The following DISP3 variants were observed in gnomAD, a reference collection of about 807,000 sequenced individuals.
The protein encoded by DISP3 is protein dispatched homolog 3.
Under a neutral mutation model 135.3 loss-of-function variants are expected in DISP3, and 101 were observed. That is an observed-to-expected ratio of 0.75 (90% CI 0.64 to 0.88). DISP3 has a LOEUF of 0.88. Among genes scored for constraint, DISP3 ranks in the 40% least tolerant of loss-of-function variants. The pLI, the probability that DISP3 is intolerant of heterozygous loss-of-function variation, is 0.00. For synonymous variants in DISP3, 856 were observed against 817.0 expected (o/e 1.05, Z -0.81); for missense variants, 1,713 against 1,878.6 (o/e 0.91, Z 1.63).
Position 11,516,442 on chromosome 1 carries a change from C to A in DISP3, c.1749+281C>A, listed in dbSNP as rs1038001595. On this transcript the variant is annotated intron_variant, in intron 6 of 20. Transcript: ENST00000294484. The surrounding 1 kb of genome is among the most constrained non-coding windows in gnomAD (Gnocchi z 5.1). ...TTTGGCAGTTTCCAAAGCTCTTTCTCGTTTAATCTTCATTACCACGGTAAT... is the reference window on the plus strand; with the variant it reads ...TTTGGCAGTTTCCAAAGCTCTTTCTAGTTTAATCTTCATTACCACGGTAAT... 6.6e-6 allele frequency among the ~76,000 whole-genome samples: 1 copy of A among 152,194 alleles called. No homozygotes were observed. The highest frequency in any genetic ancestry group is 2.4e-5 in the African/African-American group (1 of 41,432).
chr1:11,510,025 G>A (rs1641815456), intron 3 of DISP3, among the ~76,000 whole-genome samples: 1 of 152,128 alleles, frequency 6.6e-6, no homozygotes, highest in Non-Finnish European at 1.5e-5. Flanking sequence ...CGTGAACCCG[G>A]GAGGTGGAGC....
intron 1 of DISP3, among the ~76,000 whole-genome samples, chr1:11,484,450 C>A (rs1640982610): frequency 6.6e-6 from 1 of 152,176 alleles, no homozygotes; most frequent in Non-Finnish European, 1.5e-5. Flanking sequence ...GGCATGTGTA[C>A]CAGCAGAGGC....
intron 1 of DISP3, among the ~76,000 whole-genome samples, chr1:11,497,424 C>T (rs1470378290): frequency 6.6e-6 from 1 of 150,808 alleles, no homozygotes; most frequent in Non-Finnish European, 1.5e-5. Flanking sequence ...CTTGCTCTGT[C>T]GTCGCCCAGG....
intron 1 of DISP3, among the ~76,000 whole-genome samples, chr1:11,493,160 G>A (rs1641234261): frequency 6.6e-6 from 1 of 152,194 alleles, no homozygotes; most frequent in Non-Finnish European, 1.5e-5. Context: ...CAGGAGAGCT[G>A]ATGGTATAGT....
At chr1:11,492,288 TG>T (rs1641209888) in intron 1 of DISP3, among the ~76,000 whole-genome samples, 1 of 152,132 alleles carries the variant, frequency 6.6e-6, no homozygotes. Flanking sequence ...ACAGGAAAAG[TG>T]ATAGTGGCTG....
At chr1:11,502,161 G>GCCAGGCCCAGGC (rs574431695) in intron 2 of DISP3, 73 bp downstream of exon 2, 19 of 1,495,320 alleles carry the variant, frequency 1.3e-5, no homozygotes, top group South Asian at 1.2e-4. Context: ...TTTGGCCCAG[G>GCCAGGCCCAGGC]CCAGGCCCAG....
At chr1:11,497,915 A>G (rs1300404149) in intron 1 of DISP3, among the ~76,000 whole-genome samples, 1 of 152,168 alleles carries the variant, frequency 6.6e-6, no homozygotes, top group Non-Finnish European at 1.5e-5. Context: ...GTCTCAACAA[A>G]TATCTGACTG....
At chr1:11,532,319 G>A (rs901625288) in intron 17 of DISP3, among the ~76,000 whole-genome samples, 4 of 152,206 alleles carry the variant, frequency 2.6e-5, no homozygotes, top group Admixed American at 1.3e-4. Context: ...GGGCTCAATC[G>A]TTGCTGGGAT....
rs916356077 is a variant in DISP3 at position 11,501,741 on chromosome 1, G to A, written c.749G>A (p.Arg250His). 1.3e-6 allele frequency: 2 copies of A among 1,591,488 alleles called. No homozygotes were observed. Among genetic ancestry groups the A allele is most frequent in the Non-Finnish European group, 1.7e-6 (2 of 1,167,420 alleles). The change falls in exon 2 of 21, where the codon CGC (arginine) becomes CAC (histidine). Residue 250 changes from arginine (R) to histidine (H), a missense_variant. Coordinates refer to ENST00000294484, the MANE Select transcript of DISP3 (RefSeq NM_020780.2). The surrounding 1 kb of genome is among the most constrained non-coding windows in gnomAD (Gnocchi z 4.9). ...AAVAANQSRA[R>H]RGASRWDYSR... is the part of the protein sequence containing the mutation. ...GTCGCGGCCAATCAGAGCCGTGCCC[G>A]CCGAGGCGCCTCGCGCTGGGACTAC...
At chr1:11,528,834 C>G (rs1185964298) in intron 13 of DISP3, among the ~76,000 whole-genome samples, 1 of 152,212 alleles carries the variant, frequency 6.6e-6, no homozygotes, top group African/African-American at 2.4e-5. Context: ...TTTGGAGTGT[C>G]AAACACCCAC....
chr1:11,500,910 C>G, intron 1 of DISP3, 80 bp from the exon 2 acceptor site: 1 of 1,502,440 alleles, frequency 6.7e-7, no homozygotes, highest in Non-Finnish European at 9.1e-7. Context: ...GGGTTGGTAC[C>G]TAGGGCTGGG....
At chr1:11,488,479 A>G (rs1324263601) in intron 1 of DISP3, among the ~76,000 whole-genome samples, 1 of 152,168 alleles carries the variant, frequency 6.6e-6, no homozygotes, top group African/African-American at 2.4e-5. Flanking sequence ...GGAGCCACTG[A>G]CCTGGGTGGG....
chr1:11,535,459 C>A lies in DISP3; in HGVS notation c.3650-19C>A. On this transcript the variant is annotated intron_variant, in intron 19 of 20. Transcript: ENST00000294484. ...CAGGGCGGGGGATCCGAGCTGCCCC[C>A]CCTGCTGTCTCCTTGCAGGCATCGT... 1 of 1,593,008 alleles carries A rather than the reference C, an allele frequency of 6.3e-7. No homozygotes were observed. The highest frequency in any genetic ancestry group is 1.1e-5 in the South Asian group (1 of 89,816).
chr1:11,521,765 C>T (rs1642202599), intron 10 of DISP3, among the ~76,000 whole-genome samples: 1 of 152,076 alleles, frequency 6.6e-6, no homozygotes, highest in African/African-American at 2.4e-5. Context: ...AAGACCAATG[C>T]CACATTTGAG....
At chr1:11,489,259 T>C (rs2100365716) in intron 1 of DISP3, among the ~76,000 whole-genome samples, 1 of 152,344 alleles carries the variant, frequency 6.6e-6, no homozygotes, top group African/African-American at 2.4e-5. Context: ...TTCTGATGTA[T>C]CCTCCAGCTT....
chr1:11,503,844 A>C (rs1289022110), intron 3 of DISP3, among the ~76,000 whole-genome samples: 1 of 152,194 alleles, frequency 6.6e-6, no homozygotes, highest in Admixed American at 6.5e-5. Context: ...TCCTATCGTT[A>C]AAATGGAGAA....
chr1:11,507,321 A>G (rs926826294), intron 3 of DISP3, among the ~76,000 whole-genome samples: 3 of 152,184 alleles, frequency 2.0e-5, no homozygotes, highest in African/African-American at 7.2e-5. Context: ...GGTGTATTCT[A>G]CAGAGTCCTT....
intron 10 of DISP3, among the ~76,000 whole-genome samples, chr1:11,521,664 G>A (rs1297825371): frequency 1.6e-4 from 23 of 148,310 alleles, no homozygotes; most frequent in African/African-American, 5.7e-4. Flanking sequence ...TAGCCAGGCT[G>A]GGAGGGGAGA....
At chr1:11,530,402 G>T (rs1301676451) in intron 15 of DISP3, among the ~76,000 whole-genome samples, 2 of 152,290 alleles carry the variant, frequency 1.3e-5, no homozygotes, top group African/African-American at 4.8e-5. Context: ...GGGTGCTAAG[G>T]ATTCCTAGGA....
Sources: allele counts gnomAD v4.1 joint callset (sites outside exome capture counted in the v4.1 genomes callset), GRCh38; gene constraint gnomAD v4.1.1; non-coding constraint Gnocchi (gnomAD v3.1); transcripts MANE v1.5; gene names NCBI Gene and HGNC (gene_info 2026-07-23, HGNC 2026-07-21).